Variants in ZNF521 observed in about 807,000 individuals in gnomAD.
ZNF521 encodes zinc finger protein 521.
In ZNF521, 14 loss-of-function variants were observed where a neutral mutation model predicts 105.5. That is an observed-to-expected ratio of 0.13 (90% CI 0.09 to 0.21). ZNF521 has a LOEUF of 0.21. Ranked by LOEUF, ZNF521 falls within the 10% of genes least tolerant of loss-of-function variation. The pLI is 1.00. For missense variants in ZNF521, 1,233 were observed against 1,629.7 expected (o/e 0.76, Z 4.19); for synonymous variants, 635 against 606.0 (o/e 1.05, Z -0.70).
chr18:25,092,024 T>C lies in ZNF521; in HGVS notation c.3716A>G (p.Lys1239Arg). Residue 1239 changes from lysine to arginine, a missense_variant, in exon 6 of 8, where the codon AAA (lysine) becomes AGA (arginine). Around this residue, in one of 6 missense-constraint regions of ZNF521, gnomAD observed 76 missense variants for 137.2 expected, o/e 0.55. Transcript: ENST00000361524. ...GTGCTCTATCAGGTGGCACTGGAGT[T>C]TGGCAGGAGAGTCAAAGGTCTGGCT... is the stretch of plus-strand genomic sequence containing the variant. ...LCSQTFDSPAKLQCHLIEHSF... is the reference protein window; with the variant it reads ...LCSQTFDSPARLQCHLIEHSF... The C allele has an allele frequency of 6.2e-7, 1 of 1,614,058 alleles. No individual in the cohort carries two copies. Among genetic ancestry groups the C allele is most frequent in the Non-Finnish European group, 8.5e-7 (1 of 1,179,942 alleles).
chr18:25,133,229 AT>A (rs1362055787), intron 5 of ZNF521, among the ~76,000 whole-genome samples: 1 of 152,198 alleles, frequency 6.6e-6, no homozygotes, highest in Non-Finnish European at 1.5e-5. Flanking sequence ...AGATGAATGT[AT>A]TAACATGGCC....
At chr18:25,285,171 G>A (rs1012966570) in intron 3 of ZNF521, among the ~76,000 whole-genome samples, 2 of 152,100 alleles carry the variant, frequency 1.3e-5, no homozygotes, top group Non-Finnish European at 2.9e-5. Flanking sequence ...TGTGGATAAA[G>A]CTTCCCCTGG....
chr18:25,234,309 T>G (rs1267260688), intron 3 of ZNF521, among the ~76,000 whole-genome samples: 1 of 152,080 alleles, frequency 6.6e-6, no homozygotes, highest in Admixed American at 6.6e-5. Flanking sequence ...GTCACCAGAG[T>G]GGATTTCCTG....
At chr18:25,077,805 A>G (rs908564149) in intron 7 of ZNF521, among the ~76,000 whole-genome samples, 1 of 152,048 alleles carries the variant, frequency 6.6e-6, no homozygotes, top group African/African-American at 2.4e-5. Context: ...AATATTTAAG[A>G]AAAAAAAGAG....
chr18:25,069,117 A>G (rs536782103), intron 7 of ZNF521, among the ~76,000 whole-genome samples: 22 of 152,308 alleles, frequency 1.4e-4, no homozygotes, highest in Admixed American at 1.3e-3. Context: ...TATAAGTACT[A>G]TATCTTCTAC....
intron 5 of ZNF521, among the ~76,000 whole-genome samples, chr18:25,175,591 G>A (rs189555636): frequency 1.4e-4 from 21 of 152,250 alleles, no homozygotes; most frequent in African/African-American, 4.3e-4. Flanking sequence ...AATAGAAAAC[G>A]TGGATGGTCA....
chr18:25,141,489 A>G (rs2034846916), intron 5 of ZNF521, among the ~76,000 whole-genome samples: 2 of 152,226 alleles, frequency 1.3e-5, no homozygotes, highest in African/African-American at 4.8e-5. Context: ...ATTTGGTTCT[A>G]GAGTTCCCTT....
At chr18:25,145,392 T>C (rs1315373391) in intron 5 of ZNF521, among the ~76,000 whole-genome samples, 1 of 152,170 alleles carries the variant, frequency 6.6e-6, no homozygotes, top group Non-Finnish European at 1.5e-5. Context: ...CCTAGGCCTC[T>C]TTGGTGTTAT....
chr18:25,073,947 T>A (rs970596435), intron 7 of ZNF521, among the ~76,000 whole-genome samples: 10 of 151,702 alleles, frequency 6.6e-5, no homozygotes, highest in African/African-American at 2.4e-4. Context: ...GGTAAAGATA[T>A]ATAAAAATAA....
At position 25,197,465 on chromosome 18, in the gene ZNF521, G is replaced by A. The variant is rs143908866; in HGVS notation, c.3574-2221C>T. Among the ~76,000 whole-genome samples the A allele has an allele frequency of 2.0e-5, 3 of 151,914 alleles. No individual in the cohort carries two copies. In the East Asian group the frequency reaches 5.8e-4, roughly 29 times the overall value. On this transcript the variant is annotated intron_variant, in intron 4 of 7. Coordinates refer to ENST00000361524, the MANE Select transcript of ZNF521 (RefSeq NM_015461.3). ...TACCCTTAATTTTTAAAACGTTGAT[G>A]TTAAATGACCTTTAAAGCATATCTC...
At chr18:25,265,288 C>T (rs945271376) in intron 3 of ZNF521, among the ~76,000 whole-genome samples, 1 of 152,138 alleles carries the variant, frequency 6.6e-6, no homozygotes, top group Non-Finnish European at 1.5e-5. Context: ...AAGCAGAGGC[C>T]AAAGTAGAAG....
chr18:25,078,278 GTCATGGAGTTTGTCAGAATT>G (rs2033412955), intron 7 of ZNF521, among the ~76,000 whole-genome samples: 1 of 152,220 alleles, frequency 6.6e-6, no homozygotes, highest in African/African-American at 2.4e-5. Flanking sequence ...AATTTCACCT[GTCATGGAGTTTGTCAGAATT>G]TCAGGATTTA....
chr18:25,110,350 T>G (rs1159230594), intron 5 of ZNF521, among the ~76,000 whole-genome samples: 1 of 152,194 alleles, frequency 6.6e-6, no homozygotes, highest in East Asian at 1.9e-4. Flanking sequence ...CCTGCCCCCT[T>G]GCATCCTGCC....
chr18:25,256,970 T>C (rs1335941594), intron 3 of ZNF521, among the ~76,000 whole-genome samples: 3 of 151,842 alleles, frequency 2.0e-5, no homozygotes. Context: ...ACAGATGTAG[T>C]TAAAAGAAAG....
At chr18:25,210,750 T>C (rs1438330696) in intron 4 of ZNF521, among the ~76,000 whole-genome samples, 1 of 152,204 alleles carries the variant, frequency 6.6e-6, no homozygotes, top group Non-Finnish European at 1.5e-5. Flanking sequence ...CCACGGAGGC[T>C]ACCAAGCCAA....
rs760379631 is a variant in ZNF521, at chr18:25,226,777, G to C, written c.1141C>G (p.Arg381Gly). The C allele has an allele frequency of 3.1e-6, 5 of 1,613,966 alleles. No individual in the cohort carries two copies. In the South Asian group the frequency reaches 4.4e-5, roughly 14 times the overall value. ...VEAAPPIPKS[R>G]GRKRAAQQTP... ...TGTTGAGCGGCCCTCTTCCTCCCTC[G>C]ACTCTTTGGGATTGGCGGGGCAGCT... Residue 381 changes from arginine (R) to glycine (G), a missense_variant, in exon 4 of 8, where the codon CGA becomes GGA. Arg to Gly is a moderately radical substitution (Grantham distance 125). Transcript: ENST00000361524. The surrounding 1 kb of genome is among the most constrained non-coding windows in gnomAD (Gnocchi z 4.1).
intron 5 of ZNF521, among the ~76,000 whole-genome samples, chr18:25,165,762 G>T (rs2035328835): frequency 6.6e-6 from 1 of 152,218 alleles, no homozygotes; most frequent in Non-Finnish European, 1.5e-5. Context: ...ACACACTGTA[G>T]AAAATTCCTG....
intron 4 of ZNF521, among the ~76,000 whole-genome samples, chr18:25,214,785 AAGG>A (rs1376239642): frequency 6.6e-6 from 1 of 152,174 alleles, no homozygotes; most frequent in African/African-American, 2.4e-5. Flanking sequence ...GAAGCACGTG[AAGG>A]AGACCAGCTG....
At chr18:25,148,094 G>C (rs1227885457) in intron 5 of ZNF521, among the ~76,000 whole-genome samples, 3 of 152,146 alleles carry the variant, frequency 2.0e-5, no homozygotes, top group Non-Finnish European at 4.4e-5. Context: ...CAATCTGAAG[G>C]CTTTTATGAG....
Sources: gnomAD v4.1 joint callset for allele counts (sites outside exome capture counted in the v4.1 genomes callset) on GRCh38, gnomAD v4.1.1 for gene constraint, gnomAD v4.1.1 regional missense constraint, Gnocchi (gnomAD v3.1) non-coding constraint, MANE v1.5 for transcripts, NCBI Gene and HGNC (gene_info 2026-07-23, HGNC 2026-07-21) for gene names.